Variants in DIP2B observed in about 807,000 individuals in gnomAD.
DIP2B encodes disco-interacting protein 2 homolog B.
In DIP2B, 76 loss-of-function variants were observed where a neutral mutation model predicts 198.0. That is an observed-to-expected ratio of 0.38 (90% confidence interval 0.32 to 0.46). The LOEUF is 0.46. Ranked by LOEUF, DIP2B falls within the 20% of genes least tolerant of loss-of-function variation. DIP2B has a pLI of 0.99. For missense variants in DIP2B, 1,559 were observed against 1,978.4 expected (o/e 0.79, Z 4.02); for synonymous variants, 701 against 739.1 (o/e 0.95, Z 0.84).
At chr12:50,547,787 A>G (rs1958390475) in intron 1 of DIP2B, among the ~76,000 whole-genome samples, 1 of 152,154 alleles carries the variant, frequency 6.6e-6, no homozygotes, top group African/African-American at 2.4e-5. Flanking sequence ...AAAGGGTGTG[A>G]GCTGGGTATA....
At position 50,625,981 on chromosome 12, in the gene DIP2B, A is replaced by G; in HGVS notation, c.106A>G (p.Ile36Val). 1 of 1,614,098 alleles carries G rather than the reference A, an allele frequency of 6.2e-7. No individual in the cohort carries two copies. Among genetic ancestry groups the G allele is most frequent in the Non-Finnish European group, 8.5e-7 (1 of 1,179,988 alleles). ...TCTGTTTCTTGCTATTTTAGGGGAC[A>G]TCACCCAGAAGGGCTATGAAAAGAA... ...ELELELSEGDITQKGYEKKRS... is the reference protein window; with the variant it reads ...ELELELSEGDVTQKGYEKKRS... Residue 36 changes from isoleucine (I) to valine (V), a missense_variant, in exon 2 of 38, where the codon ATC becomes GTC. Ile to Val is a conservative substitution (Grantham distance 29, BLOSUM62 3). Coordinates refer to ENST00000301180, the MANE Select transcript of DIP2B (RefSeq NM_173602.3).
chr12:50,647,119 C>T (rs1437297482), intron 3 of DIP2B, among the ~76,000 whole-genome samples: 2 of 152,036 alleles, frequency 1.3e-5, no homozygotes, highest in Non-Finnish European at 2.9e-5. Flanking sequence ...GTGACACAAT[C>T]TCGTCTCACT....
At chr12:50,744,011 T>G (rs1254913157) in intron 37 of DIP2B, among the ~76,000 whole-genome samples, 2 of 151,772 alleles carry the variant, frequency 1.3e-5, no homozygotes, top group African/African-American at 2.4e-5. Context: ...AGTTAACAAC[T>G]TTTTTTTTGA....
chr12:50,628,788 T>G (rs1434984185), intron 2 of DIP2B, among the ~76,000 whole-genome samples: 1 of 152,246 alleles, frequency 6.6e-6, no homozygotes, highest in Admixed American at 6.5e-5. Context: ...TTTAGTTCCT[T>G]CTGGAGCTAT....
At chr12:50,646,577 G>A (rs571598805) in intron 3 of DIP2B, among the ~76,000 whole-genome samples, 2 of 151,828 alleles carry the variant, frequency 1.3e-5, no homozygotes, top group East Asian at 3.9e-4. Flanking sequence ...ACATACCACC[G>A]TGCCCAGCTA....
rs1316418906 is a variant in DIP2B at position 50,699,048 on chromosome 12, G to A, written c.2189-18G>A. 1 of 1,612,622 alleles carries A rather than the reference G, an allele frequency of 6.2e-7. No individual in the cohort carries two copies. Among genetic ancestry groups the A allele is most frequent in the Non-Finnish European group, 8.5e-7 (1 of 1,179,558 alleles). ...TTCTAGAATCTTTGTCCTTTAACCT[G>A]TATTTTCTGTACGTTAGGGATGATG... On this transcript the variant is annotated intron_variant, in intron 18 of 37. Transcript: ENST00000301180.
At chr12:50,740,245 C>G (rs530644477) in intron 36 of DIP2B, among the ~76,000 whole-genome samples, 1 of 152,332 alleles carries the variant, frequency 6.6e-6, no homozygotes, top group Admixed American at 6.5e-5. Context: ...CCTAAATTCT[C>G]CATAGTTCCA....
chr12:50,600,938 A>ACCC (rs1958930848), intron 1 of DIP2B, among the ~76,000 whole-genome samples: 1 of 119,186 alleles, frequency 8.4e-6, no homozygotes. Context: ...CACCACCACC[A>ACCC]CTACCACCAC....
intron 5 of DIP2B, among the ~76,000 whole-genome samples, chr12:50,671,652 A>T (rs920759743): frequency 6.6e-6 from 1 of 152,236 alleles, no homozygotes; most frequent in Admixed American, 6.5e-5. Context: ...GCAATGCTCA[A>T]GCTGCAAGAT....
chr12:50,556,180 C>G (rs1230975557), intron 1 of DIP2B, among the ~76,000 whole-genome samples: 1 of 151,572 alleles, frequency 6.6e-6, no homozygotes, highest in African/African-American at 2.4e-5. Flanking sequence ...CTCCCAGCCA[C>G]CTGGGATTAC....
At chr12:50,615,310 G>A (rs1041329226) in intron 1 of DIP2B, among the ~76,000 whole-genome samples, 8 of 151,846 alleles carry the variant, frequency 5.3e-5, no homozygotes, top group Admixed American at 1.3e-4. Flanking sequence ...TTAGATGCAC[G>A]TAGCACTGTT....
chr12:50,620,325 A>G (rs1937786692), intron 1 of DIP2B, among the ~76,000 whole-genome samples: 2 of 152,170 alleles, frequency 1.3e-5, no homozygotes, highest in South Asian at 4.1e-4. Context: ...CACTTGTGCC[A>G]AGCTGTTTTC....
intron 1 of DIP2B, among the ~76,000 whole-genome samples, chr12:50,518,086 T>C (rs1958081683): frequency 6.6e-6 from 1 of 152,220 alleles, no homozygotes; most frequent in African/African-American, 2.4e-5. Context: ...AAAAAGCACC[T>C]AAACATTGCA....
chr12:50,686,200 T>A (rs1939127667), intron 11 of DIP2B, among the ~76,000 whole-genome samples: 1 of 152,120 alleles, frequency 6.6e-6, no homozygotes, highest in Admixed American at 6.5e-5. Context: ...CCCAAATCTG[T>A]CTGATTCCAC....
intron 1 of DIP2B, among the ~76,000 whole-genome samples, chr12:50,613,250 A>G (rs1050998803): frequency 6.6e-5 from 10 of 152,210 alleles, no homozygotes; most frequent in Admixed American, 6.5e-4. Context: ...GAGACTCATA[A>G]TACTCTTCCA....
At chr12:50,738,261 A>C (rs1460648114) in intron 35 of DIP2B, among the ~76,000 whole-genome samples, 1 of 152,084 alleles carries the variant, frequency 6.6e-6, no homozygotes, top group African/African-American at 2.4e-5. Context: ...CCTGGGAAGC[A>C]GAGGTTGCAG....
intron 4 of DIP2B, among the ~76,000 whole-genome samples, chr12:50,670,808 T>G (rs1258542209): frequency 6.6e-6 from 1 of 152,190 alleles, no homozygotes; most frequent in Non-Finnish European, 1.5e-5. Flanking sequence ...TCAAAATCAA[T>G]GTAGCAACAT....
chr12:50,678,958 C>T (rs924551139), intron 8 of DIP2B, 82 bp downstream of exon 8: 1 of 1,452,650 alleles, frequency 6.9e-7, no homozygotes, highest in Non-Finnish European at 9.5e-7. Flanking sequence ...AGATACTTAG[C>T]AGTTGCTGGC....
At chr12:50,719,146 G>T in intron 25 of DIP2B, 111 bp downstream of exon 25, 1 of 1,158,756 alleles carries the variant, frequency 8.6e-7, no homozygotes, top group Non-Finnish European at 1.2e-6. Flanking sequence ...TCTGAAGAAG[G>T]AGTTAATGGC....
Sources: allele counts gnomAD v4.1 joint callset (sites outside exome capture counted in the v4.1 genomes callset), GRCh38; gene constraint gnomAD v4.1.1; transcripts MANE v1.5; gene names NCBI Gene and HGNC (gene_info 2026-07-23, HGNC 2026-07-21).